RNF130: variants seen among roughly 807,000 people sequenced by gnomAD.
The protein encoded by RNF130 is ring finger protein 130, also known as E3 ubiquitin-protein ligase RNF130.
In RNF130, 21 loss-of-function variants were observed where a neutral mutation model predicts 44.6. The observed-to-expected ratio is 0.47, with a 90% CI of 0.33 to 0.68. RNF130 has a LOEUF of 0.68. RNF130 is among the 30% of genes least tolerant of loss of function. The pLI is 0.02. For synonymous variants in RNF130, 214 were observed against 210.4 expected (o/e 1.02, Z -0.15); for missense variants, 479 against 560.6 (o/e 0.85, Z 1.47).
At chr5:179,970,359 CAT>C (rs1001665369) in intron 6 of RNF130, 49 bp downstream of exon 6, 2 of 1,319,426 alleles carry the variant, frequency 1.5e-6, no homozygotes, top group African/African-American at 3.0e-5. Context: ...TTGTATTACA[CAT>C]ACATATAATA....
Position 179,962,201 on chromosome 5 carries a change from G to C in RNF130, c.1244+1270C>G, listed in dbSNP as rs192584347. On this transcript the variant is annotated intron_variant, in intron 8 of 8. Transcript: ENST00000521389. The stretch of plus-strand genomic sequence containing the variant: ...GCTGGATGAGGTGCAGTGCTCCTCT[G>C]AAGGCTGGGGAATGCCACCCGACCC... Among the ~76,000 whole-genome samples, 9 of 152,322 alleles carry C rather than the reference G, an allele frequency of 5.9e-5. No individual in the cohort carries two copies. The East Asian group carries it at 1.4e-3, about 23-fold the overall frequency.
chr5:179,983,832 A>T (rs1762896126), intron 3 of RNF130, among the ~76,000 whole-genome samples: 1 of 152,182 alleles, frequency 6.6e-6, no homozygotes, highest in Non-Finnish European at 1.5e-5. Context: ...GTTAGTTTTC[A>T]CTACATAGGG....
intron 7 of RNF130, among the ~76,000 whole-genome samples, chr5:179,937,618 T>TTTA (rs1239737926): frequency 6.6e-6 from 1 of 152,094 alleles, no homozygotes; most frequent in Non-Finnish European, 1.5e-5. Flanking sequence ...TGTAAAATGG[T>TTTA]TTAGCCATTG....
intron 1 of RNF130, among the ~76,000 whole-genome samples, chr5:180,045,080 T>C (rs1007998617): frequency 2.0e-5 from 3 of 152,308 alleles, no homozygotes; most frequent in Non-Finnish European, 2.9e-5. Flanking sequence ...AACTCTTCTC[T>C]TGAACTCTTG....
At chr5:179,974,014 G>A (rs1247717655) in intron 5 of RNF130, among the ~76,000 whole-genome samples, 2 of 152,180 alleles carry the variant, frequency 1.3e-5, no homozygotes, top group Admixed American at 6.5e-5. Flanking sequence ...GAACTAGAGT[G>A]AGCAGAAGAG....
In RNF130 at chr5:179,981,107, T is replaced by C. The variant is rs188638150; in HGVS notation, c.694-907A>G. Among the ~76,000 whole-genome samples the C allele has an allele frequency of 9.2e-5, 14 of 151,742 alleles. No individual in the cohort carries two copies. In the East Asian group the frequency reaches 2.7e-3, roughly 29 times the overall value. ...CGTAGGGTTAGGAGGGGGTTCCGGG[T>C]GTAGGGGTAGGAGTGGGTTCCAGGC... is the stretch of plus-strand genomic sequence containing the variant. On this transcript the variant is annotated intron_variant, in intron 3 of 8. Coordinates refer to ENST00000521389, the MANE Select transcript of RNF130 (RefSeq NM_018434.6).
chr5:179,954,688 T>TA (rs1430506000), downstream of RNF130, among the ~76,000 whole-genome samples: 2 of 152,254 alleles, frequency 1.3e-5, no homozygotes, highest in East Asian at 1.9e-4. Flanking sequence ...ATACACACTT[T>TA]AAACGGGTAA....
At chr5:179,945,784 C>T (rs574021684) in intron 7 of RNF130, among the ~76,000 whole-genome samples, 29 of 152,298 alleles carry the variant, frequency 1.9e-4, no homozygotes, top group African/African-American at 7.0e-4. Flanking sequence ...CGCGCCGCTG[C>T]AGGAAACTCT....
intron 7 of RNF130, among the ~76,000 whole-genome samples, chr5:179,947,488 G>A (rs901414157): frequency 2.6e-5 from 4 of 152,228 alleles, no homozygotes; most frequent in African/African-American, 9.6e-5. Flanking sequence ...TCTCTAAGAG[G>A]CAAATAGAAT....
At chr5:179,939,969 C>A in intron 7 of RNF130, 1 of 218,158 alleles carries the variant, frequency 4.6e-6, no homozygotes, top group Non-Finnish European at 9.2e-6. Context: ...TTTTTTCTAG[C>A]ATCAGACAGC....
chr5:179,931,277 G>A (rs1028274663), intron 7 of RNF130, among the ~76,000 whole-genome samples: 15 of 152,076 alleles, frequency 9.9e-5, no homozygotes, highest in Non-Finnish European at 7.4e-5. Context: ...ATCACACAAA[G>A]TCCATTTTGT....
chr5:179,946,700 C>T (rs922087576), intron 7 of RNF130, among the ~76,000 whole-genome samples: 9 of 151,942 alleles, frequency 5.9e-5, no homozygotes, highest in Admixed American at 3.3e-4. Flanking sequence ...ACTACAGGCG[C>T]CCGCCACCAC....
In RNF130 at chr5:180,068,264, C is replaced by T. The variant is rs145343464; in HGVS notation, c.247+3192G>A. ...ACAGCAGACCCTAGCTAGGCTGCTCCGCAAAGGTACTAAATATTTTGCTCC... is the reference window on the plus strand; with the variant it reads ...ACAGCAGACCCTAGCTAGGCTGCTCTGCAAAGGTACTAAATATTTTGCTCC... On this transcript the variant is annotated intron_variant, in intron 1 of 8. Transcript: ENST00000521389. Among the ~76,000 whole-genome samples the T allele has an allele frequency of 5.8e-3, 879 of 152,304 alleles. 9 individuals carry two copies. Among genetic ancestry groups the T allele is most frequent in the African/African-American group, 0.019 (808 of 41,532 alleles).
At chr5:180,014,636 TA>T (rs1441997290) in intron 2 of RNF130, among the ~76,000 whole-genome samples, 3 of 152,178 alleles carry the variant, frequency 2.0e-5, no homozygotes, top group African/African-American at 7.2e-5. Context: ...CATATTTAGC[TA>T]AAAGAACCAT....
At position 179,970,323 on chromosome 5, in the gene RNF130, C is replaced by T; in HGVS notation, c.945+87G>A. 3 of 977,472 alleles carry T rather than the reference C, an allele frequency of 3.1e-6. No individual in the cohort carries two copies. The South Asian group carries it at 5.5e-5, about 18-fold the overall frequency. 60.5% of individuals were successfully genotyped at this position (977,472 alleles called of 1,614,324 possible). A position where few individuals can be genotyped will look rare whatever the true frequency, so the allele number is the denominator to read the frequency against. ...TGTTTTCTTCTGTGTCTTAGTCATG[C>T]CTCCTATTATGCCAATTATGTTATA... On this transcript the variant is annotated intron_variant, in intron 6 of 8. Transcript: ENST00000521389.
chr5:179,959,029 C>T (rs563755183), intron 8 of RNF130, among the ~76,000 whole-genome samples: 165 of 152,234 alleles, frequency 1.1e-3, no homozygotes, highest in African/African-American at 3.8e-3. Flanking sequence ...CTGTAGATAT[C>T]GCCAGAGCTC....
At chr5:180,017,577 T>C (rs1763770700) in intron 2 of RNF130, among the ~76,000 whole-genome samples, 1 of 152,198 alleles carries the variant, frequency 6.6e-6, no homozygotes, top group Non-Finnish European at 1.5e-5. Flanking sequence ...TGTAAACTGA[T>C]TCTATAATCA....
intron 2 of RNF130, among the ~76,000 whole-genome samples, chr5:180,025,054 T>C (rs1763956012): frequency 6.6e-6 from 1 of 152,196 alleles, no homozygotes; most frequent in South Asian, 2.1e-4. Flanking sequence ...AAAATACCCC[T>C]GCCTTGTCCT....
At chr5:180,040,217 G>A (rs1764373522) in intron 2 of RNF130, among the ~76,000 whole-genome samples, 1 of 152,100 alleles carries the variant, frequency 6.6e-6, no homozygotes, top group African/African-American at 2.4e-5. Flanking sequence ...AACAACTAAG[G>A]ATTTAATCAC....
Sources: gnomAD v4.1 joint callset for allele counts (sites outside exome capture counted in the v4.1 genomes callset) on GRCh38, gnomAD v4.1.1 for gene constraint, MANE v1.5 for transcripts, NCBI Gene and HGNC (gene_info 2026-07-23, HGNC 2026-07-21) for gene names.